PSD3: variants seen among roughly 807,000 people sequenced by gnomAD.
PSD3 encodes pleckstrin and Sec7 domain containing 3.
In PSD3, 49 loss-of-function variants were observed where a neutral mutation model predicts 105.5. The ratio of observed to expected loss-of-function variants is 0.46; its 90% CI spans 0.37 to 0.59. PSD3 has a LOEUF of 0.59. Among genes scored for constraint, PSD3 ranks in the 20% least tolerant of loss-of-function variants. PSD3 has a pLI of 0.00. For synonymous variants in PSD3, 557 were observed against 457.8 expected (o/e 1.22, Z -2.77); for missense variants, 1,561 against 1,263.8 (o/e 1.24, Z -3.57).
chr8:18,527,560 T>A lies in PSD3; in HGVS notation c.*8183A>T, dbSNP rs529816095. ...ATACATATCAGATGACTCACTTGTC[T>A]ACAAGGTTTAGATTTACTTGAACAA... On this transcript the variant is annotated 3_prime_UTR_variant, in exon 16 of 16. Transcript: ENST00000327040. 6.5e-6 allele frequency: 1 copy of A among 152,782 alleles called. No homozygotes were observed. Among genetic ancestry groups the A allele is most frequent in the East Asian group, 1.9e-4 (1 of 5,184 alleles). The allele number at this position is 152,782 out of a possible 1,614,324, so 9.5% of individuals were successfully genotyped here.
upstream of PSD3, among the ~76,000 whole-genome samples, chr8:19,014,756 C>T (rs1484443398): frequency 6.6e-6 from 1 of 152,232 alleles, no homozygotes; most frequent in African/African-American, 2.4e-5. The surrounding 1 kb of genome is among the most constrained non-coding windows in gnomAD (Gnocchi z 4.9). Flanking sequence ...GGTGGCCCCA[C>T]GATCTCGCCC....
intron 1 of PSD3, among the ~76,000 whole-genome samples, chr8:18,950,773 C>T (rs544270426): frequency 3.9e-5 from 6 of 152,244 alleles, no homozygotes; most frequent in Admixed American, 2.0e-4. Flanking sequence ...CATTTGGTCA[C>T]TGACCTCTCG....
intron 8 of PSD3, among the ~76,000 whole-genome samples, chr8:18,786,399 C>A (rs946949340): frequency 6.6e-6 from 1 of 152,102 alleles, no homozygotes; most frequent in Non-Finnish European, 1.5e-5. Flanking sequence ...CATTTTAAAA[C>A]AGTAAAGTCT....
chr8:18,761,419 A>G (rs1806527352), intron 9 of PSD3, among the ~76,000 whole-genome samples: 1 of 152,220 alleles, frequency 6.6e-6, no homozygotes, highest in Non-Finnish European at 1.5e-5. Context: ...TCAAAAATAA[A>G]AAGTTTTAAT....
intron 9 of PSD3, among the ~76,000 whole-genome samples, chr8:18,700,689 G>A (rs954235918): frequency 5.9e-5 from 9 of 152,258 alleles, no homozygotes; most frequent in South Asian, 4.1e-4. Flanking sequence ...AGACCAATAC[G>A]TAGAATACTG....
intron 4 of PSD3, among the ~76,000 whole-genome samples, chr8:18,842,001 G>C (rs796498145): frequency 4.7e-4 from 72 of 152,322 alleles, no homozygotes; most frequent in African/African-American, 1.6e-3. Context: ...CACAGGAGCA[G>C]AAAGGCAGTG....
chr8:18,770,840 C>A (rs1807451814), intron 8 of PSD3, among the ~76,000 whole-genome samples: 1 of 152,282 alleles, frequency 6.6e-6, no homozygotes, highest in African/African-American at 2.4e-5. Context: ...CTTTTGCAAC[C>A]ACACTTGGGG....
At chr8:19,029,185 T>A (rs1036621952) in intron 1 of PSD3, among the ~76,000 whole-genome samples, 1 of 152,218 alleles carries the variant, frequency 6.6e-6, no homozygotes, top group African/African-American at 2.4e-5. Context: ...ATATATTAGT[T>A]TCATTAAAAA....
At chr8:19,038,472 T>C (rs1309205877) in intron 1 of PSD3, among the ~76,000 whole-genome samples, 1 of 152,190 alleles carries the variant, frequency 6.6e-6, no homozygotes, top group Non-Finnish European at 1.5e-5. Context: ...TTTGTCTATC[T>C]ATTTGTTTAT....
chr8:19,036,084 C>A (rs1156301143), intron 1 of PSD3, among the ~76,000 whole-genome samples: 1 of 152,074 alleles, frequency 6.6e-6, no homozygotes, highest in Non-Finnish European at 1.5e-5. Flanking sequence ...ATGGCTGTTG[C>A]AATGTTCAAA....
At chr8:19,032,263 CAA>C (rs34546145) in intron 1 of PSD3, among the ~76,000 whole-genome samples, 77,964 of 151,602 alleles carry the variant, frequency 0.51, 20,280 homozygotes, top group Non-Finnish European at 0.55. Context: ...TACCCCCCAA[CAA>C]ACACACACAC....
At position 18,804,549 on chromosome 8, in the gene PSD3, G is replaced by C. The variant is rs767370694; in HGVS notation, c.1883C>G (p.Thr628Arg). The change falls in exon 6 of 16, where the codon ACA becomes AGA. Residue 628 changes from threonine to arginine, a missense_variant. Thr to Arg is a moderately conservative substitution (Grantham distance 71). Coordinates refer to ENST00000327040, the MANE Select transcript of PSD3 (RefSeq NM_015310.4). ...GAGTGACTGATCCAGCGTCATTCCT[G>C]TAAAATCAAAAAACTTCAGATATTC... ...AEEYLKFFDFTGMTLDQSLRY... is the reference protein window; with the variant it reads ...AEEYLKFFDFRGMTLDQSLRY... The C allele has an allele frequency of 1.9e-5, 31 of 1,613,144 alleles. 1 individual carries two copies. The South Asian group carries it at 2.6e-4, about 14-fold the overall frequency.
chr8:18,973,183 A>G (rs149932041), intron 1 of PSD3, among the ~76,000 whole-genome samples: 1 of 152,316 alleles, frequency 6.6e-6, no homozygotes, highest in Admixed American at 6.5e-5. Flanking sequence ...TGAAAAGAAC[A>G]CTGACACGTG....
intron 1 of PSD3, among the ~76,000 whole-genome samples, chr8:18,970,927 C>T (rs1245397118): frequency 2.0e-5 from 3 of 148,914 alleles, no homozygotes; most frequent in Non-Finnish European, 3.0e-5. Flanking sequence ...TACAGTGAGC[C>T]GAGATCACAC....
At position 18,645,034 on chromosome 8, in the gene PSD3, G is replaced by C. The variant is rs1807931513; in HGVS notation, c.2216+10608C>G. ...CAAGAAAGCGCAAGAGAGCGAGTTG[G>C]GGATCACAGTTGCTTTTAAAACAAA... On this transcript the variant is annotated intron_variant, in intron 10 of 15. Transcript: ENST00000327040. Among the ~76,000 whole-genome samples, 3 of 152,240 alleles carry C rather than the reference G, an allele frequency of 2.0e-5. No homozygotes were observed. The South Asian group carries it at 6.2e-4, about 32-fold the overall frequency.
intron 8 of PSD3, among the ~76,000 whole-genome samples, chr8:18,796,636 G>C (rs1172276611): frequency 2.6e-5 from 4 of 152,158 alleles, no homozygotes; most frequent in South Asian, 2.1e-4. Flanking sequence ...GGTTCACCAA[G>C]AGCAGCCAAA....
intron 1 of PSD3, among the ~76,000 whole-genome samples, chr8:18,988,748 T>C (rs2129473351): frequency 6.6e-6 from 1 of 152,330 alleles, no homozygotes; most frequent in Non-Finnish European, 1.5e-5. Context: ...GGGGACTTTT[T>C]TACCTTAGAA....
chr8:18,739,748 A>G (rs1401554888), intron 9 of PSD3, among the ~76,000 whole-genome samples: 1 of 152,222 alleles, frequency 6.6e-6, no homozygotes, highest in East Asian at 1.9e-4. Context: ...TCAGTGTGAA[A>G]TAATCAAATC....
Position 18,963,520 on chromosome 8 carries a change from C to A in PSD3, c.22-27378G>T, listed in dbSNP as rs182331466. On this transcript the variant is annotated intron_variant, in intron 1 of 15. Transcript: ENST00000327040. ...ACTAAATTGCAAAGCATCAACAAGACAAATCCAATTTTCTTCTCTCAAACC... is the reference window on the plus strand; with the variant it reads ...ACTAAATTGCAAAGCATCAACAAGAAAAATCCAATTTTCTTCTCTCAAACC... Among the ~76,000 whole-genome samples the A allele has an allele frequency of 3.5e-3, 540 of 152,226 alleles. 4 individuals carry two copies. The highest frequency in any genetic ancestry group is 0.012 in the African/African-American group (519 of 41,538).
Sources: allele counts gnomAD v4.1 joint callset (sites outside exome capture counted in the v4.1 genomes callset), GRCh38; gene constraint gnomAD v4.1.1; non-coding constraint Gnocchi (gnomAD v3.1); transcripts MANE v1.5; gene names NCBI Gene and HGNC (gene_info 2026-07-23, HGNC 2026-07-21).